SCRN1: variants seen among roughly 807,000 people sequenced by gnomAD.
SCRN1 encodes the protein secernin-1.
A neutral mutation model predicts 43.3 loss-of-function variants in SCRN1; 19 were observed. That is an observed-to-expected ratio of 0.44 (90% CI 0.31 to 0.64). The LOEUF is 0.64. Among genes scored for constraint, SCRN1 ranks in the 30% least tolerant of loss-of-function variants. The pLI is 0.09. For missense variants in SCRN1, 447 were observed against 524.1 expected, an observed-to-expected ratio of 0.85 and a Z score of 1.44; for synonymous variants, 183 against 188.9, an observed-to-expected ratio of 0.97 and a Z score of 0.26.
At chr7:29,968,796 G>A in intron 2 of SCRN1, 113 bp downstream of exon 2, 1 of 1,312,198 alleles carries the variant, frequency 7.6e-7, no homozygotes, top group Non-Finnish European at 1.1e-6. Flanking sequence ...CAGCAGAACT[G>A]ACATGATAGC....
intron 7 of SCRN1, among the ~76,000 whole-genome samples, chr7:29,925,924 CAT>C (rs1198084433): frequency 6.8e-6 from 1 of 146,734 alleles, no homozygotes; most frequent in Non-Finnish European, 1.5e-5. Flanking sequence ...TATGGTAAAA[CAT>C]ATGTATTATA....
intron 6 of SCRN1, among the ~76,000 whole-genome samples, chr7:29,928,220 G>A (rs187400820): frequency 7.2e-4 from 110 of 152,248 alleles, no homozygotes; most frequent in African/African-American, 2.6e-3. Flanking sequence ...TTTTGTCCTC[G>A]GACTTGCAGC....
At chr7:29,968,325 A>C (rs1788561597) in intron 2 of SCRN1, among the ~76,000 whole-genome samples, 1 of 152,214 alleles carries the variant, frequency 6.6e-6, no homozygotes, top group African/African-American at 2.4e-5. Flanking sequence ...CATGTACCGT[A>C]GGGAGTGATC....
chr7:29,968,209 T>G (rs1788557506), intron 2 of SCRN1, among the ~76,000 whole-genome samples: 1 of 152,178 alleles, frequency 6.6e-6, no homozygotes, highest in Non-Finnish European at 1.5e-5. Flanking sequence ...GTAATAGCAA[T>G]AGACTGAAAA....
chr7:29,969,001 C>T lies in SCRN1; in HGVS notation c.67G>A (p.Val23Ile). The T allele has an allele frequency of 6.2e-7, 1 of 1,614,064 alleles. No homozygotes were observed. Among genetic ancestry groups the T allele is most frequent in the East Asian group, 2.2e-5 (1 of 44,880 alleles). The stretch of plus-strand genomic sequence containing the variant: ...GGCCGGGCTGAATTTTTCCCAAATA[C>T]CACCAGACCATCCTTAGCACGTGGA... ...FPPRAKDGLV[V>I]FGKNSARPRD... The change falls in exon 2 of 8, where the codon GTA becomes ATA. Residue 23 changes from valine to isoleucine, a missense_variant. Transcript: ENST00000242059.
At chr7:29,983,863 T>C (rs779492228) in intron 1 of SCRN1, among the ~76,000 whole-genome samples, 1 of 152,152 alleles carries the variant, frequency 6.6e-6, no homozygotes, top group Non-Finnish European at 1.5e-5. Flanking sequence ...GATGAATAAG[T>C]GTTGCCAGAA....
chr7:29,940,653 G>T (rs1356222737), intron 5 of SCRN1, 29 bp downstream of exon 5: 1 of 1,562,780 alleles, frequency 6.4e-7, no homozygotes. Flanking sequence ...GGTATGAGAA[G>T]GAGAATCGTG....
At chr7:29,926,704 A>T in intron 6 of SCRN1, 72 bp from the exon 7 acceptor site, 5 of 1,234,698 alleles carry the variant, frequency 4.0e-6, no homozygotes, top group Non-Finnish European at 4.4e-6. Flanking sequence ...CTGTCCTTTT[A>T]TTCAGCAAAC....
At position 29,936,594 on chromosome 7, in the gene SCRN1, C is replaced by T. The variant is rs201583052; in HGVS notation, c.867G>A (p.Pro289=). 68 of 1,602,080 alleles carry T rather than the reference C, an allele frequency of 4.2e-5. No homozygotes were observed. The highest frequency in any genetic ancestry group is 1.7e-4 in the Middle Eastern group (1 of 6,012). ...GGGTTCCAGTGAAGTAGTGAATGCA[C>T]GGAGAGCTTCTATTCTGCGGCAGGA... ...VSVLPQNRSS[P]CIHYFTGTPD... The change falls in exon 6 of 8, where the codon CCG becomes CCA. Residue 289 remains proline (P), a synonymous_variant. Transcript: ENST00000242059.
At chr7:29,966,171 G>GAT (rs1262902394) in intron 2 of SCRN1, among the ~76,000 whole-genome samples, 1 of 146,278 alleles carries the variant, frequency 6.8e-6, no homozygotes, top group East Asian at 2.0e-4. Flanking sequence ...GAGAGAGAGA[G>GAT]AGAGAGAGAG....
intron 7 of SCRN1, among the ~76,000 whole-genome samples, chr7:29,926,123 T>G (rs1378234213): frequency 6.6e-6 from 1 of 152,246 alleles, no homozygotes; most frequent in African/African-American, 2.4e-5. Flanking sequence ...TAAGGAATTT[T>G]ACACAATATA....
chr7:29,989,695 GC>G lies in SCRN1; in HGVS notation c.-56del, dbSNP rs1337408507. 1.0e-6 allele frequency: 1 copy of G among 985,728 alleles called. No homozygotes were observed. The highest frequency in any genetic ancestry group is 1.7e-5 in the African/African-American group (1 of 57,250). The allele number at this position is 985,728 out of a possible 1,614,324, so 61.1% of individuals were successfully genotyped here. A position where few individuals can be genotyped will look rare whatever the true frequency, so the allele number is the denominator to read the frequency against. ...TCCGCTCTGCGGTGCTGAGGCTGCG[GC>G]CGCCGAGGGTGCGGGTGCTGCCGGG... On this transcript the variant is annotated 5_prime_UTR_variant, in exon 1 of 8. Transcript: ENST00000242059.
At chr7:29,944,335 T>C (rs942669783) in intron 3 of SCRN1, among the ~76,000 whole-genome samples, 156 bp from the exon 4 acceptor site, 1 of 152,204 alleles carries the variant, frequency 6.6e-6, no homozygotes, top group African/African-American at 2.4e-5. Flanking sequence ...TTAACTGCAC[T>C]GTATCCCAGA....
At chr7:29,924,699 C>CA (rs1305035393) in intron 7 of SCRN1, among the ~76,000 whole-genome samples, 1 of 151,914 alleles carries the variant, frequency 6.6e-6, no homozygotes, top group African/African-American at 2.4e-5. Flanking sequence ...AGGGCACTCT[C>CA]AAAAAATGTT....
chr7:29,975,804 T>A (rs550776010), intron 1 of SCRN1, among the ~76,000 whole-genome samples: 2 of 152,346 alleles, frequency 1.3e-5, no homozygotes, highest in South Asian at 4.1e-4. Context: ...AATGAAACAC[T>A]CTAATTTAAC....
intron 2 of SCRN1, among the ~76,000 whole-genome samples, chr7:29,956,093 T>A (rs1788127136): frequency 6.6e-6 from 1 of 152,210 alleles, no homozygotes; most frequent in African/African-American, 2.4e-5. Context: ...ATGGGGGAGC[T>A]AATTTGAGTC....
chr7:29,922,641 A>ACCCGCCTGAATGAAGGCAGCTC lies in SCRN1; in HGVS notation c.*1294_*1315dup. On this transcript the variant is annotated 3_prime_UTR_variant, in exon 8 of 8. Coordinates refer to ENST00000242059, the MANE Select transcript of SCRN1 (RefSeq NM_014766.5). Reference sequence around the variant, plus strand: ...CCACCACCCCATGCCCAGTGCAGCTACCCGCCTGAATGAAGGCAGCTCCTG... The same window carrying ACCCGCCTGAATGAAGGCAGCTC: ...CCACCACCCCATGCCCAGTGCAGCTACCCGCCTGAATGAAGGCAGCTCCCCGCCTGAATGAAGGCAGCTCCTG... The ACCCGCCTGAATGAAGGCAGCTC allele has an allele frequency of 6.6e-6, 1 of 152,222 alleles. No homozygotes were observed. Among genetic ancestry groups the ACCCGCCTGAATGAAGGCAGCTC allele is most frequent in the African/African-American group, 2.4e-5 (1 of 41,422 alleles). The allele number at this position is 152,222 out of a possible 1,614,324, so 9.4% of individuals were successfully genotyped here.
rs118157857 is a variant in SCRN1 at position 29,976,581 on chromosome 7, G to A, written c.-1-7513C>T. 9.3e-3 allele frequency among the ~76,000 whole-genome samples: 1,416 copies of A among 152,216 alleles called. 12 individuals carry two copies. Among genetic ancestry groups the A allele is most frequent in the Non-Finnish European group, 0.017 (1,138 of 67,998 alleles). ...GGATGGTAAATTTTATGCTATGTGC[G>A]TTTCACCACAATTAGAAGTAAAAAT... On this transcript the variant is annotated intron_variant, in intron 1 of 7. Coordinates refer to ENST00000242059, the MANE Select transcript of SCRN1 (RefSeq NM_014766.5).
At chr7:29,984,791 G>A (rs56072756) in intron 1 of SCRN1, among the ~76,000 whole-genome samples, 1 of 133,834 alleles carries the variant, frequency 7.5e-6, no homozygotes, top group Non-Finnish European at 1.6e-5. Context: ...CGTGGTGGCA[G>A]ACGCCTGTAA....
Sources: gnomAD v4.1 joint callset for allele counts (sites outside exome capture counted in the v4.1 genomes callset) on GRCh38, gnomAD v4.1.1 for gene constraint, MANE v1.5 for transcripts, NCBI Gene and HGNC (gene_info 2026-07-23, HGNC 2026-07-21) for gene names.